The following NKAIN3 variants were observed in gnomAD, a reference collection of about 807,000 sequenced individuals.
NKAIN3 encodes sodium/potassium-transporting ATPase subunit beta-1-interacting protein 3.
In NKAIN3, 25 loss-of-function variants were observed where a neutral mutation model predicts 30.2. The ratio of observed to expected loss-of-function variants is 0.83; its 90% CI spans 0.60 to 1.16. The LOEUF is 1.16. Among genes scored for constraint, NKAIN3 ranks in the 50% most tolerant of loss-of-function variants. The pLI is 0.00. For synonymous variants in NKAIN3, 91 were observed against 89.6 expected, an observed-to-expected ratio of 1.02 and a Z score of -0.09; for missense variants, 225 against 254.1, an observed-to-expected ratio of 0.89 and a Z score of 0.78.
chr8:62,775,132 G>A (rs931363616), intron 4 of NKAIN3, among the ~76,000 whole-genome samples: 2 of 152,016 alleles, frequency 1.3e-5, no homozygotes, highest in African/African-American at 4.8e-5. Flanking sequence ...TCAATCTTGG[G>A]AGGTTGTATG....
At chr8:62,765,136 A>T (rs1387779196) in intron 4 of NKAIN3, among the ~76,000 whole-genome samples, 3 of 150,496 alleles carry the variant, frequency 2.0e-5, no homozygotes, top group Non-Finnish European at 4.4e-5. Context: ...AATCCCAGCT[A>T]CTCAGGAGGC....
intron 5 of NKAIN3, among the ~76,000 whole-genome samples, chr8:62,949,691 T>C (rs2130892584): frequency 6.6e-6 from 1 of 151,844 alleles, no homozygotes; most frequent in East Asian, 1.9e-4. Flanking sequence ...CTGGCTTTTC[T>C]GGATAGTTGA....
intron 1 of NKAIN3, among the ~76,000 whole-genome samples, chr8:62,420,399 A>T (rs1445069274): frequency 6.6e-6 from 1 of 152,180 alleles, no homozygotes; most frequent in Admixed American, 6.5e-5. Context: ...ACAGCCAAGC[A>T]TTCATTTTTT....
chr8:62,865,272 C>A (rs1291044018), intron 4 of NKAIN3, among the ~76,000 whole-genome samples: 1 of 152,206 alleles, frequency 6.6e-6, no homozygotes, highest in Non-Finnish European at 1.5e-5. Context: ...CGATCCTCAG[C>A]TGGCGAATGC....
At chr8:62,330,500 T>C (rs1424903619) in intron 1 of NKAIN3, among the ~76,000 whole-genome samples, 2 of 151,768 alleles carry the variant, frequency 1.3e-5, no homozygotes, top group African/African-American at 2.4e-5. Flanking sequence ...TAATTTGGCA[T>C]TTTTGTCTTT....
intron 4 of NKAIN3, among the ~76,000 whole-genome samples, chr8:62,870,304 CTA>C (rs1426773797): frequency 3.4e-5 from 2 of 58,176 alleles, no homozygotes; most frequent in Non-Finnish European, 6.7e-5. Context: ...ATATATACAT[CTA>C]TATATAGAGA....
At chr8:62,857,458 T>C (rs1425095262) in intron 4 of NKAIN3, among the ~76,000 whole-genome samples, 1 of 152,214 alleles carries the variant, frequency 6.6e-6, no homozygotes, top group African/African-American at 2.4e-5. Flanking sequence ...TTGGTTCCAT[T>C]CTCCCTGTCT....
chr8:62,468,953 T>A (rs1806244133), intron 1 of NKAIN3, among the ~76,000 whole-genome samples: 1 of 152,188 alleles, frequency 6.6e-6, no homozygotes, highest in Non-Finnish European at 1.5e-5. Context: ...ATATCTGCAT[T>A]CTTCCCAATA....
intron 4 of NKAIN3, among the ~76,000 whole-genome samples, chr8:62,794,076 T>C (rs538839530): frequency 1.3e-5 from 2 of 152,192 alleles, no homozygotes; most frequent in Non-Finnish European, 2.9e-5. Context: ...ACAACATCAG[T>C]GGCTATTAGA....
At chr8:62,372,606 A>G (rs774368470) in intron 1 of NKAIN3, among the ~76,000 whole-genome samples, 1 of 152,046 alleles carries the variant, frequency 6.6e-6, no homozygotes, top group African/African-American at 2.4e-5. Context: ...ATACTTCCTT[A>G]TAGTTTTGAT....
At chr8:62,780,803 G>T (rs1817332651) in intron 4 of NKAIN3, among the ~76,000 whole-genome samples, 1 of 151,864 alleles carries the variant, frequency 6.6e-6, no homozygotes, top group African/African-American at 2.4e-5. Flanking sequence ...AAATAATAGT[G>T]GTCATATACG....
At chr8:62,297,434 G>A (rs949863574) in intron 1 of NKAIN3, among the ~76,000 whole-genome samples, 10 of 152,010 alleles carry the variant, frequency 6.6e-5, no homozygotes, top group Non-Finnish European at 1.3e-4. Flanking sequence ...CTGACAAAGG[G>A]CTAATATTCA....
intron 1 of NKAIN3, among the ~76,000 whole-genome samples, chr8:62,550,198 G>A (rs1809155196): frequency 6.6e-6 from 1 of 152,038 alleles, no homozygotes; most frequent in African/African-American, 2.4e-5. Flanking sequence ...TTTAAAAGGT[G>A]TTTACCTTTT....
At chr8:62,534,298 G>A (rs988310507) in intron 1 of NKAIN3, among the ~76,000 whole-genome samples, 40 of 152,054 alleles carry the variant, frequency 2.6e-4, no homozygotes, top group East Asian at 1.9e-4. Flanking sequence ...ACCAAGCTAG[G>A]TTAAATGAAA....
intron 4 of NKAIN3, among the ~76,000 whole-genome samples, chr8:62,773,236 T>A (rs1049315814): frequency 6.6e-6 from 1 of 152,174 alleles, no homozygotes; most frequent in Non-Finnish European, 1.5e-5. Flanking sequence ...TGTTTGTATA[T>A]GGAGAGAGAT....
At chr8:62,649,655 C>T (rs1812567546) in intron 3 of NKAIN3, among the ~76,000 whole-genome samples, 1 of 152,130 alleles carries the variant, frequency 6.6e-6, no homozygotes, top group Admixed American at 6.5e-5. Flanking sequence ...ATTCTCACTG[C>T]CTCTTCATCT....
chr8:62,625,403 C>T (rs555850124), intron 3 of NKAIN3, among the ~76,000 whole-genome samples: 1 of 152,170 alleles, frequency 6.6e-6, no homozygotes, highest in Non-Finnish European at 1.5e-5. Context: ...ATGGAGAAAC[C>T]TAGACTCCTC....
At chr8:62,277,890 A>T (rs771536550) in intron 1 of NKAIN3, among the ~76,000 whole-genome samples, 1 of 152,318 alleles carries the variant, frequency 6.6e-6, no homozygotes, top group African/African-American at 2.4e-5. Context: ...ACAACAGGTA[A>T]TGTGGGACTA....
rs141974536 is a variant in NKAIN3, at chr8:62,260,954, A to G, written c.54+11827A>G. Among the ~76,000 whole-genome samples the G allele has an allele frequency of 2.0e-5, 3 of 152,258 alleles. No homozygotes were observed. In the East Asian group the frequency reaches 5.8e-4, roughly 29 times the overall value. Reference sequence around the variant, plus strand: ...TATAACAGAGGATTATCTATTGAGTATCTCTTCCCAATTGTACATCCAGTG... The same window carrying G: ...TATAACAGAGGATTATCTATTGAGTGTCTCTTCCCAATTGTACATCCAGTG... On this transcript the variant is annotated intron_variant, in intron 1 of 6. Coordinates refer to ENST00000623646, the MANE Select transcript of NKAIN3 (RefSeq NM_001304533.3).
Sources: allele counts gnomAD v4.1 joint callset (sites outside exome capture counted in the v4.1 genomes callset), GRCh38; gene constraint gnomAD v4.1.1; transcripts MANE v1.5; gene names NCBI Gene and HGNC (gene_info 2026-07-23, HGNC 2026-07-21).